The following MAD1L1 variants were observed in gnomAD, a reference collection of about 807,000 sequenced individuals.
MAD1L1 encodes the protein mitotic arrest deficient 1 like 1, also known as mitotic spindle assembly checkpoint protein MAD1.
Under a neutral mutation model 96.9 loss-of-function variants are expected in MAD1L1, and 95 were observed. The observed-to-expected ratio is 0.98, with a 90% confidence interval of 0.83 to 1.16. The LOEUF is 1.16. Ranked by LOEUF, MAD1L1 falls within the 50% of genes most tolerant of loss-of-function variation. The pLI, the probability that MAD1L1 is intolerant of heterozygous loss-of-function variation, is 0.00. For synonymous variants in MAD1L1, 473 were observed against 396.6 expected (o/e 1.19, Z -2.29); for missense variants, 1,007 against 954.4 (o/e 1.06, Z -0.73).
chr7:1,839,649 G>A (rs1212963979), intron 18 of MAD1L1, among the ~76,000 whole-genome samples: 20 of 152,326 alleles, frequency 1.3e-4, no homozygotes, highest in Admixed American at 1.2e-3. Context: ...GGGATGTGCA[G>A]GCTTGGGAGG....
chr7:2,031,229 C>T (rs1462308545), intron 12 of MAD1L1, among the ~76,000 whole-genome samples: 1 of 152,208 alleles, frequency 6.6e-6, no homozygotes, highest in African/African-American at 2.4e-5. Context: ...ACCAGGCACA[C>T]AGAGCACGCT....
At chr7:2,229,932 C>A (rs994888884) in intron 3 of MAD1L1, 52 bp downstream of exon 3, 11 of 1,584,862 alleles carry the variant, frequency 6.9e-6, no homozygotes, top group Non-Finnish European at 9.4e-6. Context: ...AGGTCCTGCC[C>A]GGGCCCAGGG....
chr7:1,941,208 G>C (rs184787713), intron 16 of MAD1L1, among the ~76,000 whole-genome samples: 1 of 152,204 alleles, frequency 6.6e-6, no homozygotes, highest in African/African-American at 2.4e-5. Flanking sequence ...AGTGCCTGAG[G>C]ACGTCAAGTT....
chr7:2,002,153 T>A (rs1781826735), intron 13 of MAD1L1, 32 bp from the exon 14 acceptor site: 1 of 1,605,758 alleles, frequency 6.2e-7, no homozygotes, highest in East Asian at 2.2e-5. Context: ...GGCCTGAGAC[T>A]GTGGTGGGCC....
intron 17 of MAD1L1, among the ~76,000 whole-genome samples, chr7:1,930,916 G>A (rs1025151768): frequency 6.6e-6 from 1 of 152,182 alleles, no homozygotes; most frequent in African/African-American, 2.4e-5. Flanking sequence ...CCAGGCCGGG[G>A]AGGAGCATCC....
intron 16 of MAD1L1, among the ~76,000 whole-genome samples, chr7:1,949,831 C>G (rs1779405814): frequency 6.6e-6 from 1 of 152,236 alleles, no homozygotes; most frequent in African/African-American, 2.4e-5. Context: ...CACTTGCAGA[C>G]AGGGCCACGG....
chr7:2,091,377 T>A (rs1167782422), intron 11 of MAD1L1, among the ~76,000 whole-genome samples: 1 of 152,246 alleles, frequency 6.6e-6, no homozygotes, highest in African/African-American at 2.4e-5. Flanking sequence ...CACAGACGCA[T>A]CTGCCTGCAG....
chr7:1,825,461 G>T (rs1782340641), intron 18 of MAD1L1, among the ~76,000 whole-genome samples: 1 of 152,250 alleles, frequency 6.6e-6, no homozygotes, highest in East Asian at 1.9e-4. Context: ...GGGTGGCGCT[G>T]GTCAGGTGGC....
At chr7:2,013,550 C>CCATAGGATA (rs1344221227) in intron 13 of MAD1L1, among the ~76,000 whole-genome samples, 11 of 152,376 alleles carry the variant, frequency 7.2e-5, no homozygotes, top group Non-Finnish European at 1.2e-4. Context: ...GGCACCCACT[C>CCATAGGATA]CATAGGATAC....
At chr7:1,956,938 C>T (rs554751971) in intron 16 of MAD1L1, among the ~76,000 whole-genome samples, 3 of 152,338 alleles carry the variant, frequency 2.0e-5, no homozygotes, top group East Asian at 3.9e-4. Context: ...AGTCAGCAAG[C>T]AACGTGGGCA....
At chr7:2,222,236 C>G (rs916830142) in intron 5 of MAD1L1, among the ~76,000 whole-genome samples, 1 of 152,026 alleles carries the variant, frequency 6.6e-6, no homozygotes, top group East Asian at 1.9e-4. Context: ...CGCACCACCA[C>G]GCATGGCTAA....
intron 17 of MAD1L1, among the ~76,000 whole-genome samples, chr7:1,934,104 G>A (rs1354090375): frequency 6.6e-6 from 1 of 152,204 alleles, no homozygotes; most frequent in African/African-American, 2.4e-5. Context: ...ACAGACACGC[G>A]CTGCATCAGC....
intron 14 of MAD1L1, among the ~76,000 whole-genome samples, chr7:1,988,296 G>C (rs1781253093): frequency 6.6e-6 from 1 of 152,206 alleles, no homozygotes; most frequent in Admixed American, 6.5e-5. Flanking sequence ...CTCTGCCGCT[G>C]CATCAGGCAG....
At chr7:1,938,995 ACACG>A (rs1221490587) in intron 16 of MAD1L1, among the ~76,000 whole-genome samples, 2 of 133,390 alleles carry the variant, frequency 1.5e-5, no homozygotes, top group Non-Finnish European at 3.2e-5. Flanking sequence ...AGGCGCACAC[ACACG>A]CACACACACA....
At chr7:2,055,352 G>A (rs1036977061) in intron 12 of MAD1L1, among the ~76,000 whole-genome samples, 1 of 152,132 alleles carries the variant, frequency 6.6e-6, no homozygotes, top group Non-Finnish European at 1.5e-5. Flanking sequence ...CGGCCCCTGT[G>A]GCCCGCATCG....
At position 2,219,380 on chromosome 7, in the gene MAD1L1, A is replaced by G. The variant is rs772082214; in HGVS notation, c.548T>C (p.Leu183Pro). The G allele has an allele frequency of 5.0e-6, 8 of 1,607,654 alleles. No individual in the cohort carries two copies. In the South Asian group the frequency reaches 7.8e-5, roughly 16 times the overall value. ...CTGCAGCTCCTGCTTCTCCGACTCCAGGCGCTTCACCCGCATCTCCTGGTC... is the reference window on the plus strand; with the variant it reads ...CTGCAGCTCCTGCTTCTCCGACTCCGGGCGCTTCACCCGCATCTCCTGGTC... ...VMDQEMRVKR[L>P]ESEKQELQEQ... Residue 183 changes from leucine to proline, a missense_variant, in exon 6 of 19, where the codon CTG becomes CCG. Coordinates refer to ENST00000265854, the MANE Select transcript of MAD1L1 (RefSeq NM_001013836.2).
intron 18 of MAD1L1, among the ~76,000 whole-genome samples, chr7:1,881,726 C>T (rs10278591): frequency 0.31 from 47,550 of 152,058 alleles, 9,200 homozygotes; most frequent in African/African-American, 0.55. Flanking sequence ...ACAGACCCGA[C>T]TTCACCAGGA....
At chr7:1,870,070 T>A (rs1444948019) in intron 18 of MAD1L1, among the ~76,000 whole-genome samples, 1 of 152,120 alleles carries the variant, frequency 6.6e-6, no homozygotes, top group East Asian at 1.9e-4. Context: ...AAGCCTGACC[T>A]TGAACCGAGA....
intron 18 of MAD1L1, among the ~76,000 whole-genome samples, chr7:1,879,807 T>G (rs1180375457): frequency 6.6e-6 from 1 of 152,150 alleles, no homozygotes. Context: ...CTCGGCTCAC[T>G]GCAAGCTCCT....
Sources: gnomAD v4.1 joint callset for allele counts (sites outside exome capture counted in the v4.1 genomes callset) on GRCh38, gnomAD v4.1.1 for gene constraint, MANE v1.5 for transcripts, NCBI Gene and HGNC (gene_info 2026-07-23, HGNC 2026-07-21) for gene names.